Variants in AKAP6 observed in about 807,000 individuals in gnomAD.
AKAP6 encodes the protein A-kinase anchoring protein 6.
AKAP6 carries 58 observed loss-of-function variants against 188.5 expected under a neutral mutation model. The ratio of observed to expected loss-of-function variants is 0.31; its 90% CI spans 0.25 to 0.38. The LOEUF is 0.38. AKAP6 is among the 10% of genes least tolerant of loss of function. The probability of loss-of-function intolerance (pLI) is 1.00; values close to 1 mark genes in which losing one functional copy is unlikely to be tolerated. For missense variants in AKAP6, 2,710 were observed against 2,740.0 expected, an observed-to-expected ratio of 0.99 and a Z score of 0.24; for synonymous variants, 989 against 998.6, an observed-to-expected ratio of 0.99 and a Z score of 0.18.
At chr14:32,540,168 C>CTCTCTCTCTCTATATATA (rs1240063339) in intron 3 of AKAP6, among the ~76,000 whole-genome samples, 26 of 60,912 alleles carry the variant, frequency 4.3e-4, no homozygotes, top group African/African-American at 2.4e-3. Flanking sequence ...CTCTCTCTCT[C>CTCTCTCTCTCTATATATA]TATATATATA....
At chr14:32,663,108 A>C (rs1029835989) in intron 7 of AKAP6, among the ~76,000 whole-genome samples, 1 of 152,050 alleles carries the variant, frequency 6.6e-6, no homozygotes, top group African/African-American at 2.4e-5. Context: ...AATTACAATA[A>C]TTCTTCTTTT....
At chr14:32,794,046 TACATTCTTCTCAGTGCTGC>T (rs2033690527) in intron 12 of AKAP6, among the ~76,000 whole-genome samples, 1 of 152,182 alleles carries the variant, frequency 6.6e-6, no homozygotes, top group Admixed American at 6.5e-5. Flanking sequence ...CAACAGAATA[TACATTCTTCTCAGTGCTGC>T]ATGGCACTTA....
At chr14:32,547,420 A>G (rs1883250067) in intron 4 of AKAP6, among the ~76,000 whole-genome samples, 1 of 152,188 alleles carries the variant, frequency 6.6e-6, no homozygotes, top group African/African-American at 2.4e-5. Context: ...TACATTCCAC[A>G]TCTCCAATGT....
chr14:32,456,620 A>C (rs74570671), intron 2 of AKAP6, among the ~76,000 whole-genome samples: 5,638 of 152,314 alleles, frequency 0.037, 125 homozygotes, highest in East Asian at 0.1. Flanking sequence ...ACATGTTATC[A>C]TTCGATAATG....
intron 2 of AKAP6, among the ~76,000 whole-genome samples, chr14:32,446,767 T>C (rs1184943085): frequency 6.6e-6 from 1 of 152,202 alleles, no homozygotes; most frequent in Non-Finnish European, 1.5e-5. Context: ...ATTCCATGAA[T>C]GTGTTGCAGG....
intron 2 of AKAP6, among the ~76,000 whole-genome samples, chr14:32,479,420 AT>A (rs1213422791): frequency 6.6e-6 from 1 of 152,120 alleles, no homozygotes; most frequent in South Asian, 2.1e-4. Flanking sequence ...TTTTTGATAT[AT>A]TTACTTTTTC....
rs201008777 is a variant in AKAP6, at chr14:32,546,267, C to G, written c.1614C>G (p.Ser538=). 4 of 1,614,018 alleles carry G rather than the reference C, an allele frequency of 2.5e-6. No homozygotes were observed. In the Admixed American group the frequency reaches 6.7e-5, roughly 27 times the overall value. ...AVPNGELSYT[S]KAIEGPQTNS... ...CAAATGGAGAGCTTTCTTATACTTC[C>G]AAGGCCATAGAGGGGCCACAAACAA... The change falls in exon 4 of 14, where the codon TCC becomes TCG. Residue 538 remains serine, a synonymous_variant. Coordinates refer to ENST00000280979, the MANE Select transcript of AKAP6 (RefSeq NM_004274.5).
intron 2 of AKAP6, among the ~76,000 whole-genome samples, chr14:32,514,944 T>C (rs990113773): frequency 1.3e-5 from 2 of 152,148 alleles, no homozygotes; most frequent in Non-Finnish European, 2.9e-5. Flanking sequence ...AGACCTTTCC[T>C]CCTCAGCTTG....
intron 9 of AKAP6, among the ~76,000 whole-genome samples, chr14:32,702,817 G>A (rs1420827221): frequency 6.6e-6 from 1 of 152,166 alleles, no homozygotes. Flanking sequence ...AGACAGCCCT[G>A]TCGTACTCTT....
At chr14:32,686,227 G>T (rs888935211) in intron 8 of AKAP6, among the ~76,000 whole-genome samples, 1 of 151,850 alleles carries the variant, frequency 6.6e-6, no homozygotes, top group Non-Finnish European at 1.5e-5. Context: ...TATTTTTTGG[G>T]ATCTAAAAAT....
intron 2 of AKAP6, among the ~76,000 whole-genome samples, chr14:32,528,911 C>T (rs947896895): frequency 6.6e-6 from 1 of 152,174 alleles, no homozygotes; most frequent in Non-Finnish European, 1.5e-5. Flanking sequence ...CTCCTGACTT[C>T]AGGTGATCCA....
At chr14:32,735,607 T>G (rs2031376910) in intron 10 of AKAP6, 51 bp from the exon 11 acceptor site, 12 of 1,266,776 alleles carry the variant, frequency 9.5e-6, no homozygotes, top group South Asian at 2.9e-5. Context: ...GTTCGTGGGG[T>G]TTTTTTTTGT....
At chr14:32,343,610 T>A (rs2138420647) in intron 1 of AKAP6, among the ~76,000 whole-genome samples, 1 of 151,484 alleles carries the variant, frequency 6.6e-6, no homozygotes, top group East Asian at 2.0e-4. Context: ...TAGCCAGGCA[T>A]GATGGCAGGC....
intron 12 of AKAP6, among the ~76,000 whole-genome samples, chr14:32,786,323 T>TTTTTTTTTTTTTTTTTTTTTG: frequency 7.6e-6 from 1 of 132,232 alleles, no homozygotes; most frequent in East Asian, 2.3e-4. Flanking sequence ...TTTTTTTTTT[T>TTTTTTTTTTTTTTTTTTTTTG]TTGAGACGGA....
chr14:32,440,711 G>A (rs545888430), intron 2 of AKAP6, among the ~76,000 whole-genome samples: 3 of 152,176 alleles, frequency 2.0e-5, no homozygotes, highest in Admixed American at 6.5e-5. Flanking sequence ...AAATTTACAC[G>A]AAATACCCAT....
At chr14:32,424,735 T>C (rs558808304) in intron 1 of AKAP6, among the ~76,000 whole-genome samples, 118 of 152,292 alleles carry the variant, frequency 7.7e-4, no homozygotes, top group African/African-American at 2.8e-3. Flanking sequence ...CTCCCACTTA[T>C]AAGTGAGAAC....
At chr14:32,674,042 G>A (rs546892666) in intron 7 of AKAP6, among the ~76,000 whole-genome samples, 1 of 152,362 alleles carries the variant, frequency 6.6e-6, no homozygotes, top group South Asian at 2.1e-4. Flanking sequence ...CTGAGAAGTA[G>A]CATATCAGCT....
chr14:32,726,541 G>A (rs1036175242), intron 9 of AKAP6, among the ~76,000 whole-genome samples: 1 of 152,190 alleles, frequency 6.6e-6, no homozygotes, highest in African/African-American at 2.4e-5. Flanking sequence ...CATGTCAACA[G>A]GCAAACATCT....
chr14:32,713,552 T>C (rs980151987), intron 9 of AKAP6, among the ~76,000 whole-genome samples: 10 of 152,094 alleles, frequency 6.6e-5, no homozygotes, highest in South Asian at 2.1e-4. Context: ...TAGCTAGATC[T>C]TCTGGAGAAC....
Sources: gnomAD v4.1 joint callset for allele counts (sites outside exome capture counted in the v4.1 genomes callset) on GRCh38, gnomAD v4.1.1 for gene constraint, MANE v1.5 for transcripts, NCBI Gene and HGNC (gene_info 2026-07-23, HGNC 2026-07-21) for gene names.